FAM135A: variants seen among roughly 807,000 people sequenced by gnomAD.
FAM135A encodes protein FAM135A.
A neutral mutation model predicts 146.8 loss-of-function variants in FAM135A; 79 were observed. The ratio of observed to expected loss-of-function variants is 0.54; its 90% CI spans 0.45 to 0.65. The LOEUF is 0.65. FAM135A is among the 30% of genes least tolerant of loss of function. FAM135A has a pLI of 0.00. For missense variants in FAM135A, 1,623 were observed against 1,758.2 expected (o/e 0.92, Z 1.38); for synonymous variants, 562 against 603.6 (o/e 0.93, Z 1.01).
At chr6:70,491,271 A>T (rs55778329) in intron 11 of FAM135A, among the ~76,000 whole-genome samples, 188 bp downstream of exon 11, 1 of 151,846 alleles carries the variant, frequency 6.6e-6, no homozygotes. Context: ...AAGTTAACTT[A>T]CCTTTTAAAA....
intron 5 of FAM135A, 97 bp downstream of exon 5, chr6:70,452,668 G>A (rs996269912): frequency 2.7e-6 from 2 of 743,314 alleles, no homozygotes; most frequent in Admixed American, 3.5e-5. Context: ...ACCTGTAATG[G>A]TATAACATCA....
chr6:70,494,670 T>G (rs559205893), intron 11 of FAM135A, among the ~76,000 whole-genome samples: 16 of 152,250 alleles, frequency 1.1e-4, no homozygotes, highest in African/African-American at 3.4e-4. Context: ...GAGAAATAGT[T>G]TATCTGTGCT....
intron 2 of FAM135A, among the ~76,000 whole-genome samples, chr6:70,422,119 A>T (rs7775962): frequency 0.2 from 30,614 of 152,066 alleles, 3,375 homozygotes; most frequent in African/African-American, 0.29. Context: ...CAGTTTGTTT[A>T]GTTTTTATAA....
chr6:70,460,009 G>A (rs1330770479), intron 5 of FAM135A, among the ~76,000 whole-genome samples: 1 of 152,098 alleles, frequency 6.6e-6, no homozygotes, highest in African/African-American at 2.4e-5. Flanking sequence ...CCAGCCTGGG[G>A]ACAGTGTGAG....
intron 5 of FAM135A, among the ~76,000 whole-genome samples, chr6:70,460,186 T>C (rs2128092155): frequency 6.6e-6 from 1 of 152,276 alleles, no homozygotes; most frequent in East Asian, 1.9e-4. Context: ...AAAAGACTAT[T>C]TATCTTATTT....
chr6:70,541,962 C>G (rs1462013639), intron 20 of FAM135A, among the ~76,000 whole-genome samples: 1 of 152,186 alleles, frequency 6.6e-6, no homozygotes, highest in African/African-American at 2.4e-5. Flanking sequence ...TTCTTCTTTG[C>G]CACTGCCTTA....
intron 20 of FAM135A, among the ~76,000 whole-genome samples, chr6:70,554,156 T>C (rs1305798692): frequency 6.6e-6 from 1 of 152,030 alleles, no homozygotes; most frequent in Admixed American, 6.6e-5. Context: ...GAATAAAATG[T>C]CATATATGCC....
At chr6:70,422,357 T>G (rs896559454) in intron 2 of FAM135A, among the ~76,000 whole-genome samples, 1 of 152,226 alleles carries the variant, frequency 6.6e-6, no homozygotes, top group Admixed American at 6.5e-5. Context: ...TCCCTTGCTC[T>G]CTTTTGCCTG....
intron 18 of FAM135A, 131 bp from the exon 19 acceptor site, chr6:70,536,129 A>G (rs774284733): frequency 2.6e-6 from 2 of 774,846 alleles, no homozygotes; most frequent in Non-Finnish European, 3.8e-6. Context: ...ATTTCAAAGT[A>G]TCACTATACT....
intron 18 of FAM135A, among the ~76,000 whole-genome samples, chr6:70,534,312 CTTTTT>C (rs1179072858): frequency 3.3e-5 from 3 of 89,802 alleles, no homozygotes; most frequent in East Asian, 2.9e-4. Context: ...AGTTTGTATA[CTTTTT>C]TTTTTTTTTT....
chr6:70,534,387 T>C (rs1796421003), intron 18 of FAM135A, among the ~76,000 whole-genome samples: 1 of 140,354 alleles, frequency 7.1e-6, no homozygotes, highest in Admixed American at 7.7e-5. Flanking sequence ...TGGCGCCATC[T>C]CGGCTCACTG....
At chr6:70,460,165 C>T (rs575342524) in intron 5 of FAM135A, among the ~76,000 whole-genome samples, 152 of 152,266 alleles carry the variant, frequency 1.0e-3, no homozygotes, top group Admixed American at 1.6e-3. Flanking sequence ...AATGGACTTC[C>T]TGTTATGATA....
At chr6:70,509,987 A>T (rs961794810) in intron 12 of FAM135A, among the ~76,000 whole-genome samples, 1 of 152,156 alleles carries the variant, frequency 6.6e-6, no homozygotes, top group Non-Finnish European at 1.5e-5. Flanking sequence ...ATACAATCTC[A>T]AACATAGTTT....
chr6:70,428,149 C>T (rs112328458), intron 3 of FAM135A, among the ~76,000 whole-genome samples, 155 bp from the exon 4 acceptor site: 7 of 152,172 alleles, frequency 4.6e-5, no homozygotes, highest in African/African-American at 1.7e-4. Flanking sequence ...CATTCTGGTC[C>T]TATTTAGTTG....
rs1200002952 is a variant in FAM135A, at chr6:70,525,177, C to T, written c.2093C>T (p.Ser698Phe). 1 of 1,591,960 alleles carries T rather than the reference C, an allele frequency of 6.3e-7. No individual in the cohort carries two copies. Among genetic ancestry groups the T allele is most frequent in the Admixed American group, 1.8e-5 (1 of 54,980 alleles). Reference sequence around the variant, plus strand: ...GATAATTTACTACCCAACTTTGAGTCCTTAGAATCTAATGGTAAATCTAAA... The same window carrying T: ...GATAATTTACTACCCAACTTTGAGTTCTTAGAATCTAATGGTAAATCTAAA... ...LVDNLLPNFE[S>F]LESNGKSKSI... The change falls in exon 15 of 22, where the codon TCC becomes TTC. Residue 698 changes from serine (S) to phenylalanine (F), a missense_variant. By Grantham distance (155) the Ser-to-Phe change is radical (BLOSUM62 -2). Coordinates refer to ENST00000418814, the MANE Select transcript of FAM135A (RefSeq NM_001162529.3).
chr6:70,420,192 T>C (rs1485270241), intron 2 of FAM135A, among the ~76,000 whole-genome samples: 2 of 152,218 alleles, frequency 1.3e-5, no homozygotes, highest in Non-Finnish European at 2.9e-5. Flanking sequence ...TCAACTTCTT[T>C]ACCCTCTAGC....
intron 4 of FAM135A, among the ~76,000 whole-genome samples, chr6:70,444,010 G>T (rs891519577): frequency 1.3e-5 from 2 of 152,108 alleles, no homozygotes; most frequent in Non-Finnish European, 2.9e-5. Flanking sequence ...GAATAACCTA[G>T]CCCACCACAA....
At chr6:70,481,961 A>G (rs1285183709) in intron 9 of FAM135A, 40 bp from the exon 10 acceptor site, 13 of 1,552,684 alleles carry the variant, frequency 8.4e-6, no homozygotes, top group South Asian at 1.2e-5. Flanking sequence ...AACATTTTGT[A>G]TTACTGACAC....
In FAM135A at chr6:70,516,789, C is replaced by T. The variant is rs551237233; in HGVS notation, c.1030-5724C>T. On this transcript the variant is annotated intron_variant, in intron 12 of 21. Transcript: ENST00000418814. ...TGACCTTGTGATCCGCCCATCTCGG[C>T]CTCCCAAAGTGCTGGGATTACAGGT... Among the ~76,000 whole-genome samples, 6 of 152,090 alleles carry T rather than the reference C, an allele frequency of 3.9e-5. No individual in the cohort carries two copies. The South Asian group carries it at 1.2e-3, about 32-fold the overall frequency.
Sources: gnomAD v4.1 joint callset for allele counts (sites outside exome capture counted in the v4.1 genomes callset) on GRCh38, gnomAD v4.1.1 for gene constraint, MANE v1.5 for transcripts, NCBI Gene and HGNC (gene_info 2026-07-23, HGNC 2026-07-21) for gene names.